Variants in GNAI3 observed in about 807,000 individuals in gnomAD.
GNAI3 encodes guanine nucleotide-binding protein G(i) subunit alpha-3.
In GNAI3, 12 loss-of-function variants were observed where a neutral mutation model predicts 41.8. That is an observed-to-expected ratio of 0.29 (90% CI 0.18 to 0.47). The LOEUF (loss-of-function observed/expected upper bound fraction) is 0.47. Ranked by LOEUF, GNAI3 falls within the 20% of genes least tolerant of loss-of-function variation. The pLI is 1.00. For missense variants in GNAI3, 360 were observed against 429.6 expected (o/e 0.84, Z 1.43); for synonymous variants, 132 against 146.5 (o/e 0.90, Z 0.71).
chr1:109,564,911 A>G (rs753662384), intron 1 of GNAI3, among the ~76,000 whole-genome samples: 2 of 152,166 alleles, frequency 1.3e-5, no homozygotes, highest in African/African-American at 2.4e-5. Context: ...AATCTTTTTC[A>G]AAGAAAAACC....
chr1:109,576,961 GTAA>G (rs1261123413), intron 3 of GNAI3, among the ~76,000 whole-genome samples: 1 of 151,328 alleles, frequency 6.6e-6, no homozygotes, highest in Non-Finnish European at 1.5e-5. Context: ...AAAAAAAGTA[GTAA>G]TAATTCCCTC....
chr1:109,591,590 A>G (rs1649173235), intron 7 of GNAI3: 2 of 503,872 alleles, frequency 4.0e-6, no homozygotes, highest in Non-Finnish European at 3.5e-6. Flanking sequence ...GACTGTGCTA[A>G]TCTTCTCTGT....
At chr1:109,585,440 G>A (rs778752888) in intron 5 of GNAI3, among the ~76,000 whole-genome samples, 1 of 152,110 alleles carries the variant, frequency 6.6e-6, no homozygotes, top group Non-Finnish European at 1.5e-5. Context: ...CTCGGAGTTT[G>A]GAAATATTGG....
intron 5 of GNAI3, among the ~76,000 whole-genome samples, chr1:109,582,874 G>A (rs1648930063): frequency 1.3e-5 from 2 of 151,998 alleles, no homozygotes; most frequent in South Asian, 4.1e-4. Context: ...CTGCTTTTTT[G>A]TTAGACTCAC....
At chr1:109,583,324 C>G (rs973400344) in intron 5 of GNAI3, among the ~76,000 whole-genome samples, 1 of 152,146 alleles carries the variant, frequency 6.6e-6, no homozygotes, top group Admixed American at 6.6e-5. Context: ...ATCCTTCTGC[C>G]TCAGCCTTCC....
intron 1 of GNAI3, among the ~76,000 whole-genome samples, chr1:109,569,266 T>G (rs1265690855): frequency 6.6e-6 from 1 of 152,230 alleles, no homozygotes; most frequent in Non-Finnish European, 1.5e-5. Flanking sequence ...CCATCCCTTC[T>G]GCATACAGAG....
chr1:109,561,002 A>G (rs976613306), intron 1 of GNAI3, among the ~76,000 whole-genome samples: 1 of 152,214 alleles, frequency 6.6e-6, no homozygotes, highest in African/African-American at 2.4e-5. Context: ...ACTTCAAAAC[A>G]GGGCTTCGTT....
At chr1:109,550,756 A>G (rs1257834884) in intron 1 of GNAI3, among the ~76,000 whole-genome samples, 3 of 152,130 alleles carry the variant, frequency 2.0e-5, no homozygotes, top group African/African-American at 7.2e-5. Flanking sequence ...GATGGTCTCA[A>G]TCTCCTGACC....
chr1:109,553,088 T>C (rs914363300), intron 1 of GNAI3, among the ~76,000 whole-genome samples: 2 of 152,352 alleles, frequency 1.3e-5, no homozygotes, highest in Non-Finnish European at 1.5e-5. Context: ...ATGATGATCG[T>C]GAGAATTACC....
chr1:109,588,886 CATCAATCA>C (rs145424289), intron 7 of GNAI3, among the ~76,000 whole-genome samples: 31 of 151,438 alleles, frequency 2.0e-4, no homozygotes, highest in African/African-American at 5.9e-4. Context: ...AGTGAGACTC[CATCAATCA>C]ATCAATCAAT....
intron 1 of GNAI3, among the ~76,000 whole-genome samples, chr1:109,564,991 G>A (rs778807585): frequency 1.3e-5 from 2 of 152,036 alleles, no homozygotes; most frequent in South Asian, 4.2e-4. Flanking sequence ...AGCCAGGCGC[G>A]GTGGCTCACG....
chr1:109,576,605 G>A (rs1400499741), intron 3 of GNAI3, among the ~76,000 whole-genome samples: 1 of 151,826 alleles, frequency 6.6e-6, no homozygotes, highest in Admixed American at 6.6e-5. Context: ...CGCAACCTCT[G>A]CCTCCTGGGT....
At chr1:109,553,017 TA>T (rs1301581314) in intron 1 of GNAI3, among the ~76,000 whole-genome samples, 1 of 152,220 alleles carries the variant, frequency 6.6e-6, no homozygotes, top group African/African-American at 2.4e-5. Context: ...ATAATGCATG[TA>T]AAATGCTTCA....
Position 109,594,463 on chromosome 1 carries a change from A to G in GNAI3, c.*2141A>G, listed in dbSNP as rs1460444118. On this transcript the variant is annotated 3_prime_UTR_variant, in exon 9 of 9. Coordinates refer to ENST00000369851, the MANE Select transcript of GNAI3 (RefSeq NM_006496.4). Reference sequence around the variant, plus strand: ...ATTTTTCTGCCTCTGTACCATTTACATTTGCTCTCTGTTTGTTAACATGAA... The same window carrying G: ...ATTTTTCTGCCTCTGTACCATTTACGTTTGCTCTCTGTTTGTTAACATGAA... 6.6e-6 allele frequency: 1 copy of G among 152,174 alleles called. No homozygotes were observed. The highest frequency in any genetic ancestry group is 1.5e-5 in the Non-Finnish European group (1 of 68,032). The allele number at this position is 152,174 out of a possible 1,614,324, so 9.4% of individuals were successfully genotyped here. A position where few individuals can be genotyped will look rare whatever the true frequency, so the allele number is the denominator to read the frequency against.
intron 3 of GNAI3, among the ~76,000 whole-genome samples, chr1:109,577,005 G>T (rs1392297634): frequency 4.8e-5 from 3 of 61,974 alleles, no homozygotes; most frequent in South Asian, 8.3e-4. Flanking sequence ...TAGAGTCATG[G>T]TTTTTTTCTG....
chr1:109,580,769 G>C (rs2101106138), intron 4 of GNAI3, among the ~76,000 whole-genome samples: 1 of 152,320 alleles, frequency 6.6e-6, no homozygotes, highest in East Asian at 1.9e-4. Flanking sequence ...GGGGCTAGGA[G>C]TGTTTCAGCT....
chr1:109,556,758 A>C (rs1298534253), intron 1 of GNAI3, among the ~76,000 whole-genome samples: 1 of 152,100 alleles, frequency 6.6e-6, no homozygotes, highest in South Asian at 2.1e-4. Flanking sequence ...ATCTCTTACA[A>C]CCAGTCAGTT....
chr1:109,555,992 GTGTGTGTT>G (rs757095189), intron 1 of GNAI3, among the ~76,000 whole-genome samples: 5 of 150,640 alleles, frequency 3.3e-5, no homozygotes, highest in African/African-American at 4.9e-5. Flanking sequence ...GTGTGTGTGT[GTGTGTGTT>G]TGTGTGTGTT....
At chr1:109,564,851 T>A (rs982747942) in intron 1 of GNAI3, among the ~76,000 whole-genome samples, 3 of 152,254 alleles carry the variant, frequency 2.0e-5, no homozygotes, top group Non-Finnish European at 4.4e-5. Flanking sequence ...AATTTTCTTA[T>A]GTGCCCTTTA....
Sources: allele counts gnomAD v4.1 joint callset (sites outside exome capture counted in the v4.1 genomes callset), GRCh38; gene constraint gnomAD v4.1.1; transcripts MANE v1.5; gene names NCBI Gene and HGNC (gene_info 2026-07-23, HGNC 2026-07-21).